The following UNC80 variants were observed in gnomAD, a reference collection of about 807,000 sequenced individuals.
The protein encoded by UNC80 is unc-80 subunit of NALCN channel complex.
Under a neutral mutation model 384.6 loss-of-function variants are expected in UNC80, and 164 were observed. The ratio of observed to expected loss-of-function variants is 0.43; its 90% CI spans 0.38 to 0.49. The LOEUF is 0.49. Among genes scored for constraint, UNC80 ranks in the 20% least tolerant of loss-of-function variants. The pLI, the probability that UNC80 is intolerant of heterozygous loss-of-function variation, is 0.00. For synonymous variants in UNC80, 1,486 were observed against 1,527.8 expected (o/e 0.97, Z 0.64); for missense variants, 3,330 against 4,143.0 (o/e 0.80, Z 5.39).
In UNC80 at chr2:209,819,221, C is replaced by T; in HGVS notation, c.1922C>T (p.Thr641Ile). Residue 641 changes from threonine (T) to isoleucine (I), a missense_variant, in exon 12 of 65, where the codon ACC (threonine) becomes ATC (isoleucine). This residue lies in a region of UNC80 where 937 missense variants were observed against 1,026.8 expected (regional missense o/e 0.91). Transcript: ENST00000673920. ...YLEDTEHIDG[T>I]NNFVHKNGML... Reference sequence around the variant, plus strand: ...GAGGACACAGAACATATTGACGGGACCAATAACTTTGTCCACAAGAATGGA... The same window carrying T: ...GAGGACACAGAACATATTGACGGGATCAATAACTTTGTCCACAAGAATGGA... 1 of 1,551,518 alleles carries T rather than the reference C, an allele frequency of 6.4e-7. No homozygotes were observed. The highest frequency in any genetic ancestry group is 8.7e-7 in the Non-Finnish European group (1 of 1,146,936).
At chr2:209,821,222 A>C (rs147021219) in intron 13 of UNC80, among the ~76,000 whole-genome samples, 2 of 152,200 alleles carry the variant, frequency 1.3e-5, no homozygotes, top group African/African-American at 4.8e-5. Flanking sequence ...TTCTTTGTGC[A>C]TGCAGAGAAA....
chr2:209,993,954 G>A (rs573883345), intron 63 of UNC80, 111 bp from the exon 64 acceptor site: 1 of 956,208 alleles, frequency 1.0e-6, no homozygotes, highest in African/African-American at 1.7e-5. Flanking sequence ...AACCAGCAAT[G>A]TTTTTATTTT....
chr2:209,813,542 A>G, intron 7 of UNC80, 38 bp from the exon 8 acceptor site: 1 of 1,534,690 alleles, frequency 6.5e-7, no homozygotes. Context: ...TGAAAGCTTG[A>G]TTGTCAGTAT....
intron 7 of UNC80, among the ~76,000 whole-genome samples, chr2:209,801,646 G>T (rs570383796): frequency 6.8e-5 from 10 of 147,802 alleles, no homozygotes; most frequent in Non-Finnish European, 5.9e-5. Context: ...CTCCCAAAGT[G>T]CTGGGATTAC....
chr2:209,945,296 A>T (rs1429685592), intron 46 of UNC80, 107 bp downstream of exon 46: 1 of 1,170,870 alleles, frequency 8.5e-7, no homozygotes, highest in African/African-American at 1.6e-5. Context: ...GTGTATATAT[A>T]ACTAAATCAA....
chr2:209,849,754 G>A, intron 22 of UNC80, 131 bp downstream of exon 22: 1 of 991,524 alleles, frequency 1.0e-6, no homozygotes, highest in Non-Finnish European at 1.4e-6. Flanking sequence ...AGTGATAAAA[G>A]GGGGAAGAAA....
At chr2:209,888,375 C>G in intron 26 of UNC80, 115 bp downstream of exon 26, 2 of 1,099,362 alleles carry the variant, frequency 1.8e-6, no homozygotes, top group South Asian at 3.2e-5. Flanking sequence ...TCCTACAATA[C>G]TGACTGTGTA....
intron 7 of UNC80, chr2:209,809,143 TC>T: frequency 1.7e-6 from 1 of 593,142 alleles, no homozygotes; most frequent in Non-Finnish European, 3.0e-6. Context: ...TTCAGCTTCT[TC>T]CTTGGAGGCG....
chr2:209,888,170 G>A lies in UNC80; in HGVS notation c.4186G>A (p.Gly1396Arg). 6.4e-7 allele frequency: 1 copy of A among 1,551,654 alleles called. No individual in the cohort carries two copies. The highest frequency in any genetic ancestry group is 2.4e-5 in the East Asian group (1 of 40,914). The part of the protein sequence containing the change: ...HRYERKISFA[G>R]VLDENEDSKD... ...ATATGAGAGGAAGATCAGCTTTGCT[G>A]GGGTCCTGGACGAAAATGAAGACTC... Residue 1396 changes from glycine (G) to arginine (R), a missense_variant, in exon 26 of 65, where the codon GGG (glycine) becomes AGG (arginine). Around this residue, in one of 8 missense-constraint regions of UNC80, gnomAD observed 801 missense variants for 950.8 expected, o/e 0.84. Coordinates refer to ENST00000673920, the MANE Select transcript of UNC80 (RefSeq NM_001371986.1).
In UNC80 at chr2:209,820,419, T is replaced by C. The variant is rs771798441; in HGVS notation, c.2071T>C (p.Cys691Arg). 83 of 1,551,666 alleles carry C rather than the reference T, an allele frequency of 5.3e-5. No homozygotes were observed. Among genetic ancestry groups the C allele is most frequent in the Non-Finnish European group, 6.5e-5 (74 of 1,147,020 alleles). The change falls in exon 13 of 65, where the codon TGT (cysteine) becomes CGT (arginine). Residue 691 changes from cysteine to arginine, a missense_variant. Cys to Arg is a radical substitution (Grantham distance 180, BLOSUM62 -3). Coordinates refer to ENST00000673920, the MANE Select transcript of UNC80 (RefSeq NM_001371986.1). The stretch of plus-strand genomic sequence containing the variant: ...CTTGCTTCAACTTGGTGTGGTGCCC[T>C]GTGTAGAAAAGAATAGAAAGAAGAG... ...ECLLQLGVVPCVEKNRKKSEN... is the reference protein window; with the variant it reads ...ECLLQLGVVPRVEKNRKKSEN...
intron 21 of UNC80, among the ~76,000 whole-genome samples, chr2:209,845,652 A>T (rs903406579): frequency 7.2e-5 from 11 of 152,198 alleles, no homozygotes; most frequent in African/African-American, 2.7e-4. Flanking sequence ...AAGCCATAAT[A>T]TTTGAGATTG....
intron 25 of UNC80, among the ~76,000 whole-genome samples, chr2:209,881,331 T>C (rs555615640): frequency 6.6e-6 from 1 of 152,332 alleles, no homozygotes; most frequent in South Asian, 2.1e-4. Context: ...GATACAATGT[T>C]TATTTGATCA....
At chr2:209,809,498 GC>G in intron 7 of UNC80, 1 of 1,223,554 alleles carries the variant, frequency 8.2e-7, no homozygotes, top group Non-Finnish European at 1.2e-6. Flanking sequence ...AAGTACCAGT[GC>G]CAGGCGTGCG....
At chr2:209,961,027 G>C (rs2092572520) in intron 51 of UNC80, 1 of 152,176 alleles carries the variant, frequency 6.6e-6, no homozygotes, top group South Asian at 2.1e-4. Flanking sequence ...TGGCCATTTT[G>C]TGAGAGAAAG....
intron 22 of UNC80, among the ~76,000 whole-genome samples, chr2:209,867,133 TTAGAAG>T (rs1398392231): frequency 2.0e-5 from 3 of 152,214 alleles, no homozygotes; most frequent in Non-Finnish European, 4.4e-5. Flanking sequence ...AAGACCTGTG[TTAGAAG>T]TAGTGTTTTT....
At chr2:209,947,557 T>C (rs2091967722) in intron 47 of UNC80, among the ~76,000 whole-genome samples, 1 of 152,160 alleles carries the variant, frequency 6.6e-6, no homozygotes, top group South Asian at 2.1e-4. Flanking sequence ...TTTTTTTTAA[T>C]CCTCCTAATT....
At position 209,772,084 on chromosome 2, in the gene UNC80, G is replaced by A; in HGVS notation, c.12G>A (p.Arg4=). 1 of 1,549,690 alleles carries A rather than the reference G, an allele frequency of 6.5e-7. No homozygotes were observed. Among genetic ancestry groups the A allele is most frequent in the Non-Finnish European group, 8.7e-7 (1 of 1,146,382 alleles). MVK[R]KSSEGQEQDG... ...CGGGAGCCACCATTATGGTGAAGAG[G>A]AAGAGCTCCGAGGGCCAGGAGCAGG... Residue 4 remains arginine (R), a synonymous_variant, in exon 1 of 65, where the codon AGG becomes AGA. Transcript: ENST00000673920.
At chr2:209,967,379 C>T (rs895708364) in intron 51 of UNC80, 58 bp from the exon 52 acceptor site, 22 of 1,305,518 alleles carry the variant, frequency 1.7e-5, no homozygotes, top group Non-Finnish European at 2.1e-5. Context: ...AAAAAAATTC[C>T]TGTTGTGTAA....
chr2:209,888,393 T>C, intron 26 of UNC80, 133 bp downstream of exon 26: 2 of 982,060 alleles, frequency 2.0e-6, no homozygotes, highest in South Asian at 1.9e-5. Flanking sequence ...GTAGGCTTTA[T>C]GATGGAAAAT....
Sources: gnomAD v4.1 joint callset for allele counts (sites outside exome capture counted in the v4.1 genomes callset) on GRCh38, gnomAD v4.1.1 for gene constraint, gnomAD v4.1.1 regional missense constraint, MANE v1.5 for transcripts, NCBI Gene and HGNC (gene_info 2026-07-23, HGNC 2026-07-21) for gene names.